The following NCAPG variants were observed in gnomAD, a reference collection of about 807,000 sequenced individuals.
NCAPG encodes condensin complex subunit 3.
In NCAPG, 69 loss-of-function variants were observed where a neutral mutation model predicts 113.1. The ratio of observed to expected loss-of-function variants is 0.61; its 90% CI spans 0.50 to 0.75. The LOEUF (loss-of-function observed/expected upper bound fraction) is 0.75. Among genes scored for constraint, NCAPG ranks in the 30% least tolerant of loss-of-function variants. NCAPG has a pLI of 0.00. For synonymous variants in NCAPG, 370 were observed against 415.8 expected (o/e 0.89, Z 1.34); for missense variants, 1,058 against 1,177.0 (o/e 0.90, Z 1.48).
At chr4:17,836,038 A>C (rs1165681108) in intron 14 of NCAPG, among the ~76,000 whole-genome samples, 4 of 152,186 alleles carry the variant, frequency 2.6e-5, no homozygotes, top group Admixed American at 2.6e-4. Flanking sequence ...AACTTGACAA[A>C]CTGTTTTCCA....
At chr4:17,814,583 G>A (rs140924092) in intron 3 of NCAPG, among the ~76,000 whole-genome samples, 82 of 152,166 alleles carry the variant, frequency 5.4e-4, no homozygotes, top group African/African-American at 1.7e-3. Flanking sequence ...AACTGGAAGC[G>A]CCACTACCAT....
intron 5 of NCAPG, among the ~76,000 whole-genome samples, chr4:17,815,743 C>T (rs113680511): frequency 0.021 from 3,225 of 152,180 alleles, 104 homozygotes; most frequent in African/African-American, 0.069. Flanking sequence ...AGACTGGTCT[C>T]GAACTCCTGA....
In NCAPG at chr4:17,843,526, T is replaced by G. The variant is rs1722634230; in HGVS notation, c.*101T>G. On this transcript the variant is annotated 3_prime_UTR_variant, in exon 21 of 21. Transcript: ENST00000251496. ...AAAATCAGAACAAACCTGATGTCTT[T>G]CTGAAGATTTTCTGCTGTGCGCTTC... 1 of 1,366,654 alleles carries G rather than the reference T, an allele frequency of 7.3e-7. No homozygotes were observed. Among genetic ancestry groups the G allele is most frequent in the Non-Finnish European group, 1.0e-6 (1 of 991,892 alleles). 84.7% of individuals were successfully genotyped at this position (1,366,654 alleles called of 1,614,324 possible).
At position 17,811,086 on chromosome 4, in the gene NCAPG, G is replaced by A; in HGVS notation, c.9G>A (p.Ala3=). Residue 3 remains alanine, a synonymous_variant, in exon 1 of 21, where the codon GCG becomes GCA. Transcript: ENST00000251496. The surrounding 1 kb of genome is among the most constrained non-coding windows in gnomAD (Gnocchi z 5.3). ...GGCAGGGTTCCAGAGCCATGGGAGC[G>A]GAAAGGAGGCTGCTGTCGATTAAGG... MG[A]ERRLLSIKEA... 2.0e-6 allele frequency: 3 copies of A among 1,517,590 alleles called. No homozygotes were observed. Among genetic ancestry groups the A allele is most frequent in the South Asian group, 1.2e-5 (1 of 80,558 alleles). The allele number at this position is 1,517,590 out of a possible 1,614,324, so 94.0% of individuals were successfully genotyped here. A position where few individuals can be genotyped will look rare whatever the true frequency, so the allele number is the denominator to read the frequency against.
At chr4:17,843,205 C>G in intron 20 of NCAPG, 97 bp from the exon 21 acceptor site, 9 of 1,318,560 alleles carry the variant, frequency 6.8e-6, no homozygotes, top group Non-Finnish European at 9.4e-6. Flanking sequence ...CAATTAAACA[C>G]TGATAGAATG....
Position 17,837,760 on chromosome 4 carries a change from A to C in NCAPG, c.2425A>C (p.Ser809Arg). 1 of 1,613,988 alleles carries C rather than the reference A, an allele frequency of 6.2e-7. No homozygotes were observed. ...GTTACTTGTAGATTTGACAAGACCA[A>C]GTGGATTAAATCCTCAGGCCAAGAC... The part of the protein sequence containing the change: ...AELLVDLTRP[S>R]GLNPQAKTSQ... Residue 809 changes from serine to arginine, a missense_variant, in exon 16 of 21, where the codon AGT becomes CGT. Physicochemically the swap from Ser to Arg is moderately radical, Grantham distance 110 (BLOSUM62 -1). Transcript: ENST00000251496.
intron 7 of NCAPG, among the ~76,000 whole-genome samples, chr4:17,821,441 T>G (rs1243426059): frequency 1.3e-5 from 2 of 149,492 alleles, no homozygotes; most frequent in Non-Finnish European, 3.0e-5. Context: ...TGTAACTTGG[T>G]TTTTGTCACC....
At chr4:17,836,215 G>A (rs1027628799) in intron 14 of NCAPG, among the ~76,000 whole-genome samples, 4 of 152,140 alleles carry the variant, frequency 2.6e-5, no homozygotes, top group African/African-American at 9.7e-5. Flanking sequence ...AATGACTAGT[G>A]ATGTTGAGTA....
intron 19 of NCAPG, 129 bp from the exon 20 acceptor site, chr4:17,842,181 C>T: frequency 1.5e-6 from 1 of 688,858 alleles, no homozygotes; most frequent in Non-Finnish European, 2.5e-6. Context: ...ATGGCTAGAA[C>T]AAGTAGGAGA....
In NCAPG at chr4:17,823,038, A is replaced by G; in HGVS notation, c.1174A>G (p.Ile392Val). 1 of 1,609,366 alleles carries G rather than the reference A, an allele frequency of 6.2e-7. No homozygotes were observed. The highest frequency in any genetic ancestry group is 1.1e-5 in the South Asian group (1 of 90,234). ...NEEHRGDFSY[I>V]GNLMTKEFIG... ...AGAACACAGAGGTGATTTTTCCTAT[A>G]TTGGAAATTTGATGACAAAAGAATT... The change falls in exon 8 of 21, where the codon ATT becomes GTT. Residue 392 changes from isoleucine (I) to valine (V), a missense_variant. Physicochemically the swap from Ile to Val is conservative, Grantham distance 29. Coordinates refer to ENST00000251496, the MANE Select transcript of NCAPG (RefSeq NM_022346.5).
chr4:17,833,470 AT>A (rs1320557653), intron 13 of NCAPG, among the ~76,000 whole-genome samples: 29 of 133,292 alleles, frequency 2.2e-4, no homozygotes, highest in Admixed American at 5.0e-4. Flanking sequence ...AAAAAAAAAA[AT>A]ATATATATAT....
chr4:17,843,094 A>G (rs756600000), intron 20 of NCAPG: 1 of 440,266 alleles, frequency 2.3e-6, no homozygotes, highest in South Asian at 3.1e-5. Flanking sequence ...ATATAAAATC[A>G]TTAGCTAGAT....
At chr4:17,823,901 T>A (rs1721556318) in intron 9 of NCAPG, 131 bp downstream of exon 9, 5 of 689,720 alleles carry the variant, frequency 7.2e-6, no homozygotes, top group Non-Finnish European at 1.2e-5. Flanking sequence ...GTTTTAAAAT[T>A]TCTTAAAACC....
At chr4:17,832,529 A>G (rs943623354) in intron 13 of NCAPG, among the ~76,000 whole-genome samples, 15 of 152,200 alleles carry the variant, frequency 9.9e-5, no homozygotes, top group South Asian at 2.1e-4. Flanking sequence ...AAGGAGTTCA[A>G]TATTGGGCAT....
rs781603235 is a variant in NCAPG at position 17,837,627 on chromosome 4, G to A, written c.2292G>A (p.Arg764=). 23 of 1,611,678 alleles carry A rather than the reference G, an allele frequency of 1.4e-5. No individual in the cohort carries two copies. The highest frequency in any genetic ancestry group is 1.8e-5 in the Non-Finnish European group (21 of 1,179,210). ...ATACTTTGAATTTGTTTCTCAATAG[G>A]ACTAATCAGGAATGCTTTGAAGAAG... is the stretch of plus-strand genomic sequence containing the variant. ...VFFPVFAYAS[R]TNQECFEEAF... is the part of the protein sequence containing the mutation. Residue 764 remains arginine (R), a splice_region_variant and synonymous_variant, in exon 16 of 21, where the codon AGG becomes AGA. Transcript: ENST00000251496.
intron 11 of NCAPG, 31 bp from the exon 12 acceptor site, chr4:17,828,247 A>G: frequency 6.7e-7 from 1 of 1,485,434 alleles, no homozygotes. Context: ...AGAAGATATT[A>G]CTAATGCTGA....
At chr4:17,833,371 A>G (rs1462605664) in intron 13 of NCAPG, among the ~76,000 whole-genome samples, 2 of 151,890 alleles carry the variant, frequency 1.3e-5, no homozygotes, top group Non-Finnish European at 2.9e-5. Context: ...AGGCAGGAGA[A>G]TCGCTTGAAC....
rs1476966614 is a variant in NCAPG, at chr4:17,828,282, A to G, written c.1658A>G (p.Asp553Gly). 1 of 1,601,370 alleles carries G rather than the reference A, an allele frequency of 6.2e-7. No homozygotes were observed. Among genetic ancestry groups the G allele is most frequent in the Non-Finnish European group, 8.5e-7 (1 of 1,173,720 alleles). ...AATATTTTGTCTTCATTTTAGAATG[A>G]TGCTGAAACATTGCAGAAATGTCTT... Reference protein sequence around the residue: ...EIKEVHIEKNDAETLQKCLIL... With the variant: ...EIKEVHIEKNGAETLQKCLIL... The change falls in exon 12 of 21, where the codon GAT becomes GGT. Residue 553 changes from aspartate (D) to glycine (G), a missense_variant. Asp to Gly is a moderately conservative substitution (Grantham distance 94). Transcript: ENST00000251496.
At chr4:17,837,920 AC>A in intron 16 of NCAPG, 119 bp downstream of exon 16, 1 of 992,836 alleles carries the variant, frequency 1.0e-6, no homozygotes, top group Non-Finnish European at 1.5e-6. Context: ...TCAAGCATAT[AC>A]CACAAAGCAC....
Sources: gnomAD v4.1 joint callset for allele counts (sites outside exome capture counted in the v4.1 genomes callset) on GRCh38, gnomAD v4.1.1 for gene constraint, Gnocchi (gnomAD v3.1) non-coding constraint, MANE v1.5 for transcripts, NCBI Gene and HGNC (gene_info 2026-07-23, HGNC 2026-07-21) for gene names.